The following RARB variants were observed in gnomAD, a reference collection of about 807,000 sequenced individuals.
RARB encodes retinoic acid receptor beta, also known as HBV-activated protein.
In RARB, 17 loss-of-function variants were observed where a neutral mutation model predicts 51.9. That is an observed-to-expected ratio of 0.33 (90% CI 0.22 to 0.49). The LOEUF (loss-of-function observed/expected upper bound fraction) is 0.49, where lower values mean the gene tolerates loss of function less well. Ranked by LOEUF, RARB falls within the 20% of genes least tolerant of loss-of-function variation. RARB has a pLI of 0.99. For synonymous variants in RARB, 215 were observed against 195.4 expected, an observed-to-expected ratio of 1.10 and a Z score of -0.84; for missense variants, 369 against 550.8, an observed-to-expected ratio of 0.67 and a Z score of 3.30.
chr3:25,144,609 G>A (rs1486850037), intron 4 of RARB, among the ~76,000 whole-genome samples: 2 of 152,152 alleles, frequency 1.3e-5, no homozygotes, highest in Non-Finnish European at 2.9e-5. Context: ...CTGGGTAGTT[G>A]GCATAGTGCC....
At chr3:25,187,098 C>G (rs1700996796) in intron 5 of RARB, among the ~76,000 whole-genome samples, 1 of 152,084 alleles carries the variant, frequency 6.6e-6, no homozygotes, top group South Asian at 2.1e-4. Flanking sequence ...AGGGATGTGC[C>G]TTTCCTCCTC....
At chr3:24,844,704 T>A (rs1445766861) in intron 1 of RARB, among the ~76,000 whole-genome samples, 1 of 152,214 alleles carries the variant, frequency 6.6e-6, no homozygotes, top group Admixed American at 6.5e-5. Context: ...TAAATATATC[T>A]AAATGGAATT....
At chr3:24,882,834 T>C (rs1559381952) in intron 2 of RARB, among the ~76,000 whole-genome samples, 1 of 152,154 alleles carries the variant, frequency 6.6e-6, no homozygotes, top group African/African-American at 2.4e-5. Context: ...GAAATCCCGT[T>C]CTCCTAACCC....
chr3:25,314,093 AT>A (rs1433040193), intron 5 of RARB, among the ~76,000 whole-genome samples: 1 of 152,080 alleles, frequency 6.6e-6, no homozygotes, highest in Non-Finnish European at 1.5e-5. Flanking sequence ...AAATTAATTA[AT>A]TTTTAAAAAT....
At chr3:25,253,693 A>C (rs777951633) in intron 5 of RARB, among the ~76,000 whole-genome samples, 8 of 152,338 alleles carry the variant, frequency 5.3e-5, no homozygotes, top group Non-Finnish European at 1.2e-4. Flanking sequence ...ATAATAGTCA[A>C]AAGCTATAGC....
chr3:25,275,090 A>G (rs1703350138), intron 5 of RARB, among the ~76,000 whole-genome samples: 1 of 152,198 alleles, frequency 6.6e-6, no homozygotes, highest in Non-Finnish European at 1.5e-5. Context: ...CTGCCCCATC[A>G]TGCTATCAGA....
chr3:24,882,490 C>G (rs1703187451), intron 2 of RARB, among the ~76,000 whole-genome samples: 1 of 152,156 alleles, frequency 6.6e-6, no homozygotes, highest in Non-Finnish European at 1.5e-5. Flanking sequence ...AGGAATGGAA[C>G]TTGATAATCT....
intron 4 of RARB, among the ~76,000 whole-genome samples, chr3:25,170,094 G>C (rs1031435464): frequency 6.6e-6 from 1 of 151,960 alleles, no homozygotes; most frequent in Admixed American, 6.5e-5. Flanking sequence ...TTCTTTATCA[G>C]TCTCAAGCAG....
chr3:25,141,342 G>A (rs950609696), intron 4 of RARB, among the ~76,000 whole-genome samples: 23 of 151,458 alleles, frequency 1.5e-4, no homozygotes, highest in Non-Finnish European at 3.2e-4. Flanking sequence ...AATTAACTTC[G>A]GGTTCCTTTG....
At chr3:25,536,714 C>T (rs1442791983) in intron 3 of RARB, among the ~76,000 whole-genome samples, 1 of 152,136 alleles carries the variant, frequency 6.6e-6, no homozygotes, top group Admixed American at 6.5e-5. Flanking sequence ...CTGTGTTGAG[C>T]AAATGCAGCT....
chr3:24,994,831 T>A (rs952492174), intron 2 of RARB, among the ~76,000 whole-genome samples: 1 of 152,110 alleles, frequency 6.6e-6, no homozygotes, highest in Non-Finnish European at 1.5e-5. Context: ...CTGGATTTTC[T>A]ATTTTATTTC....
At chr3:25,355,207 A>T (rs1705697410) in intron 5 of RARB, among the ~76,000 whole-genome samples, 1 of 152,004 alleles carries the variant, frequency 6.6e-6, no homozygotes, top group South Asian at 2.1e-4. Context: ...AACAGTGGAG[A>T]TTCATGTGGG....
At chr3:24,970,362 T>TGC (rs989793329) in intron 2 of RARB, among the ~76,000 whole-genome samples, 5 of 151,992 alleles carry the variant, frequency 3.3e-5, no homozygotes, top group African/African-American at 4.8e-5. Flanking sequence ...TGGAATGTGG[T>TGC]GCCATCCATA....
chr3:25,553,154 CT>C (rs10710993), intron 3 of RARB, among the ~76,000 whole-genome samples: 79,479 of 140,468 alleles, frequency 0.57, 23,735 homozygotes, highest in African/African-American at 0.83. Flanking sequence ...CCATCTTTTG[CT>C]TTTTTTTTTT....
intron 3 of RARB, among the ~76,000 whole-genome samples, chr3:25,539,505 C>T (rs1166318145): frequency 1.3e-5 from 2 of 149,820 alleles, no homozygotes; most frequent in African/African-American, 4.9e-5. Context: ...CCCACAGACT[C>T]ACCACCTGGC....
intron 5 of RARB, among the ~76,000 whole-genome samples, chr3:25,281,850 C>T (rs1703531008): frequency 1.3e-5 from 2 of 152,210 alleles, no homozygotes; most frequent in Non-Finnish European, 1.5e-5. Flanking sequence ...GAAGCTGCAT[C>T]CTCCTACAGG....
intron 3 of RARB, among the ~76,000 whole-genome samples, chr3:25,502,740 T>A (rs527984095): frequency 2.6e-4 from 39 of 152,200 alleles, no homozygotes; most frequent in African/African-American, 9.1e-4. Context: ...CCTCCATCCA[T>A]GTGAACAAGG....
At chr3:24,904,920 C>T (rs1371387074) in intron 2 of RARB, among the ~76,000 whole-genome samples, 1 of 152,174 alleles carries the variant, frequency 6.6e-6, no homozygotes, top group South Asian at 2.1e-4. Flanking sequence ...GAACAAAAAA[C>T]CAAACACTGC....
At chr3:25,468,154 T>A (rs1695522368) in intron 2 of RARB, among the ~76,000 whole-genome samples, 1 of 152,164 alleles carries the variant, frequency 6.6e-6, no homozygotes, top group African/African-American at 2.4e-5. Flanking sequence ...TCTCTGGGCC[T>A]TAGCCTATCT....
Sources: allele counts gnomAD v4.1 joint callset (sites outside exome capture counted in the v4.1 genomes callset), GRCh38; gene constraint gnomAD v4.1.1; transcripts MANE v1.5; gene names NCBI Gene and HGNC (gene_info 2026-07-23, HGNC 2026-07-21).